CNTLN: variants seen among roughly 807,000 people sequenced by gnomAD.
CNTLN encodes centlein, also known as centlein, centrosomal protein.
Under a neutral mutation model 180.0 loss-of-function variants are expected in CNTLN, and 212 were observed. The ratio of observed to expected loss-of-function variants is 1.18; its 90% CI spans 1.05 to 1.32. The LOEUF is 1.32. Among genes scored for constraint, CNTLN ranks in the 40% most tolerant of loss-of-function variants. The pLI, the probability that CNTLN is intolerant of heterozygous loss-of-function variation, is 0.00. For missense variants in CNTLN, 2,095 were observed against 1,610.9 expected, an observed-to-expected ratio of 1.30 and a Z score of -5.14; for synonymous variants, 722 against 563.1, an observed-to-expected ratio of 1.28 and a Z score of -3.99.
chr9:17,486,343 G>GTT (rs940339862), intron 24 of CNTLN, among the ~76,000 whole-genome samples: 1 of 149,024 alleles, frequency 6.7e-6, no homozygotes, highest in Non-Finnish European at 1.5e-5. Context: ...TGGAAAGTCA[G>GTT]TTTTTTTTTT....
At chr9:17,302,501 A>G (rs903876567) in intron 7 of CNTLN, among the ~76,000 whole-genome samples, 1 of 152,062 alleles carries the variant, frequency 6.6e-6, no homozygotes, top group Non-Finnish European at 1.5e-5. Context: ...GCCTGGCCCA[A>G]TTCACTTTTA....
intron 2 of CNTLN, among the ~76,000 whole-genome samples, chr9:17,170,865 T>G (rs1327538992): frequency 6.6e-6 from 1 of 152,194 alleles, no homozygotes; most frequent in African/African-American, 2.4e-5. Flanking sequence ...ACTGTACTTT[T>G]TCTATGTTTA....
At chr9:17,290,332 G>A (rs1434760397) in intron 6 of CNTLN, among the ~76,000 whole-genome samples, 1 of 151,196 alleles carries the variant, frequency 6.6e-6, no homozygotes, top group Non-Finnish European at 1.5e-5. Context: ...GGGGTCAGGG[G>A]TCAGGGACCC....
chr9:17,200,890 A>C (rs1046745705), intron 2 of CNTLN, among the ~76,000 whole-genome samples: 6 of 152,140 alleles, frequency 3.9e-5, no homozygotes, highest in African/African-American at 1.4e-4. Context: ...TGGTGAGAGA[A>C]GGCATCCTTG....
At chr9:17,521,622 C>T in the CNTLN span, among the ~76,000 whole-genome samples, 7 of 152,130 alleles carry the variant, frequency 4.6e-5, no homozygotes, top group South Asian at 2.1e-4. Flanking sequence ...TATTTAGGAT[C>T]GCCCTTTTCT....
At chr9:17,317,083 C>T (rs1298499375) in intron 8 of CNTLN, among the ~76,000 whole-genome samples, 1 of 151,330 alleles carries the variant, frequency 6.6e-6, no homozygotes, top group African/African-American at 2.4e-5. Flanking sequence ...ATGTCGTTAT[C>T]ATTGGGTTTG....
At chr9:17,211,720 T>C (rs10962906) in intron 2 of CNTLN, among the ~76,000 whole-genome samples, 2 of 146,688 alleles carry the variant, frequency 1.4e-5, no homozygotes, top group Admixed American at 1.3e-4. Context: ...TTATGTCCTC[T>C]TTTATTTTTT....
At chr9:17,240,481 C>G (rs2132188242) in intron 5 of CNTLN, among the ~76,000 whole-genome samples, 1 of 152,190 alleles carries the variant, frequency 6.6e-6, no homozygotes, top group African/African-American at 2.4e-5. Flanking sequence ...TGCTGGAAAC[C>G]CTGGTATAGT....
At chr9:17,397,498 A>G (rs1826626948) in intron 15 of CNTLN, among the ~76,000 whole-genome samples, 1 of 152,190 alleles carries the variant, frequency 6.6e-6, no homozygotes, top group South Asian at 2.1e-4. Flanking sequence ...AATAGCAGCG[A>G]GGATGACCAG....
intron 18 of CNTLN, among the ~76,000 whole-genome samples, chr9:17,416,534 G>A (rs79692494): frequency 0.013 from 1,941 of 152,116 alleles, 17 homozygotes; most frequent in Non-Finnish European, 0.019. Context: ...TAGCTTACCC[G>A]TTTGCCTATG....
intron 12 of CNTLN, among the ~76,000 whole-genome samples, chr9:17,345,269 C>A (rs879649167): frequency 3.9e-5 from 6 of 152,096 alleles, no homozygotes; most frequent in Non-Finnish European, 7.4e-5. Flanking sequence ...TTACCTGTGT[C>A]TTTTGAATGG....
At chr9:17,462,883 G>A (rs1831533889) in intron 19 of CNTLN, 33 bp from the exon 20 acceptor site, 1 of 1,210,466 alleles carries the variant, frequency 8.3e-7, no homozygotes, top group Admixed American at 2.6e-5. Flanking sequence ...AGGTTGTAAG[G>A]TATATTTAAA....
chr9:17,272,179 C>A (rs548130290), intron 5 of CNTLN, among the ~76,000 whole-genome samples: 1 of 145,286 alleles, frequency 6.9e-6, no homozygotes, highest in Non-Finnish European at 1.5e-5. Context: ...TGGGTTCAAG[C>A]GATTCTTTTG....
chr9:17,354,456 C>T (rs543275657), intron 12 of CNTLN, among the ~76,000 whole-genome samples: 37 of 152,262 alleles, frequency 2.4e-4, no homozygotes, highest in Middle Eastern at 6.8e-3. Flanking sequence ...TGTAAATATA[C>T]ACCAATCGGC....
At chr9:17,455,679 A>G (rs1564121344) in intron 18 of CNTLN, among the ~76,000 whole-genome samples, 1 of 152,064 alleles carries the variant, frequency 6.6e-6, no homozygotes, top group African/African-American at 2.4e-5. Flanking sequence ...AAGAAACACC[A>G]CGTGTAGAGT....
intron 2 of CNTLN, among the ~76,000 whole-genome samples, chr9:17,179,450 T>C (rs1820983768): frequency 6.6e-6 from 1 of 152,164 alleles, no homozygotes; most frequent in African/African-American, 2.4e-5. Flanking sequence ...AAGGATTATG[T>C]AGAAATGTGT....
At chr9:17,343,761 A>G (rs1011742951) in intron 12 of CNTLN, among the ~76,000 whole-genome samples, 1 of 152,066 alleles carries the variant, frequency 6.6e-6, no homozygotes, top group East Asian at 1.9e-4. Flanking sequence ...ATCACAATCT[A>G]TTTTAGATTT....
intron 18 of CNTLN, 152 bp from the exon 19 acceptor site, chr9:17,457,372 T>G (rs970152289): frequency 1.4e-5 from 6 of 435,154 alleles, no homozygotes; most frequent in Non-Finnish European, 2.1e-5. Flanking sequence ...TAGTAGAGGT[T>G]AAGATTTTTG....
At chr9:17,461,077 G>A (rs1226520022) in intron 19 of CNTLN, among the ~76,000 whole-genome samples, 5 of 151,344 alleles carry the variant, frequency 3.3e-5, no homozygotes, top group Non-Finnish European at 7.4e-5. Flanking sequence ...ATAAGTAGAC[G>A]TTTATATCAC....
Sources: gnomAD v4.1 joint callset for allele counts (sites outside exome capture counted in the v4.1 genomes callset) on GRCh38, gnomAD v4.1.1 for gene constraint, MANE v1.5 for transcripts, NCBI Gene and HGNC (gene_info 2026-07-23, HGNC 2026-07-21) for gene names.